Variants in RYR1 observed in about 807,000 individuals in gnomAD.
RYR1 encodes the protein central core disease of muscle.
Under a neutral mutation model 583.5 loss-of-function variants are expected in RYR1, and 342 were observed. That is an observed-to-expected ratio of 0.59 (90% CI 0.54 to 0.64). The LOEUF (loss-of-function observed/expected upper bound fraction) is 0.64, where lower values mean the gene tolerates loss of function less well. Among genes scored for constraint, RYR1 ranks in the 30% least tolerant of loss-of-function variants. RYR1 has a pLI of 0.00. For missense variants in RYR1, 6,032 were observed against 6,917.2 expected (o/e 0.87, Z 4.54); for synonymous variants, 2,791 against 2,822.5 (o/e 0.99, Z 0.35).
intron 31 of RYR1, 150 bp from the exon 32 acceptor site, chr19:38,482,877 G>A (rs760448117): frequency 9.6e-6 from 7 of 728,494 alleles, no homozygotes; most frequent in Non-Finnish European, 1.7e-5. Flanking sequence ...TGGATCAGAG[G>A]TGGGACAGTC....
At chr19:38,535,611 A>T in intron 81 of RYR1, 1 of 620,600 alleles carries the variant, frequency 1.6e-6, no homozygotes, top group East Asian at 2.8e-5. Context: ...TATGAATTCC[A>T]GACAGTGGAA....
chr19:38,579,609 AGAC>A (rs1352853862), intron 99 of RYR1, among the ~76,000 whole-genome samples: 1 of 150,212 alleles, frequency 6.7e-6, no homozygotes, highest in East Asian at 2.0e-4. Flanking sequence ...AAAAAAAAAA[AGAC>A]AGAGGAAGAG....
intron 88 of RYR1, among the ~76,000 whole-genome samples, chr19:38,547,887 A>G (rs1972501688): frequency 6.6e-6 from 1 of 151,904 alleles, no homozygotes; most frequent in African/African-American, 2.4e-5. Context: ...CTGATTTTGT[A>G]TTTTTAATAG....
chr19:38,571,462 G>A (rs181593956), intron 94 of RYR1, among the ~76,000 whole-genome samples: 5 of 152,178 alleles, frequency 3.3e-5, no homozygotes, highest in East Asian at 1.9e-4. Context: ...GTGAAACCCC[G>A]TCTCTACTAA....
Position 38,561,039 on chromosome 19 carries a change from T to G in RYR1, c.12283-74T>G. On this transcript the variant is annotated intron_variant, in intron 89 of 105. Transcript: ENST00000359596. This position sits in a 1 kb window ranked among gnomAD's most constrained non-coding sequence, Gnocchi z 4.8. ...CTGGGCGACACAGCGAGACCTTGTC[T>G]TAAAAAAAAAAAAAAAAAGAGAGAG... is the stretch of plus-strand genomic sequence containing the variant. 7.7e-7 allele frequency: 1 copy of G among 1,291,036 alleles called. No homozygotes were observed. Among genetic ancestry groups the G allele is most frequent in the Non-Finnish European group, 1.1e-6 (1 of 922,644 alleles). 80.0% of individuals were successfully genotyped at this position (1,291,036 alleles called of 1,614,324 possible). A position where few individuals can be genotyped will look rare whatever the true frequency, so the allele number is the denominator to read the frequency against.
chr19:38,464,844 G>T, intron 23 of RYR1, 122 bp downstream of exon 23: 1 of 840,458 alleles, frequency 1.2e-6, no homozygotes, highest in Non-Finnish European at 2.0e-6. Context: ...GGAGACTTGG[G>T]TTAGGGTGAA....
intron 27 of RYR1, among the ~76,000 whole-genome samples, chr19:38,470,360 C>G (rs980669438): frequency 1.3e-5 from 2 of 151,098 alleles, no homozygotes; most frequent in African/African-American, 4.9e-5. Context: ...ATCCTCTGAG[C>G]TCAGGAGGTC....
In RYR1 at chr19:38,494,251, C is replaced by A; in HGVS notation, c.6275-101C>A. On this transcript the variant is annotated intron_variant, in intron 38 of 105. Transcript: ENST00000359596. ...GCGCAGGTGGTAGTAACTGGGAAAA[C>A]TTCTGGAACAGGGGGCCCCTTCCAC... 3 of 1,440,872 alleles carry A rather than the reference C, an allele frequency of 2.1e-6. No homozygotes were observed. In the East Asian group the frequency reaches 6.8e-5, roughly 33 times the overall value. The allele number at this position is 1,440,872 out of a possible 1,614,324, so 89.3% of individuals were successfully genotyped here.
intron 24 of RYR1, among the ~76,000 whole-genome samples, chr19:38,466,739 G>A (rs1369178825): frequency 4.6e-5 from 7 of 151,990 alleles, no homozygotes; most frequent in African/African-American, 1.7e-4. Context: ...CTGACCTCGT[G>A]ATCCGCCTGC....
chr19:38,448,857 C>G (rs8101724), intron 11 of RYR1, 44 bp downstream of exon 11: 2 of 1,583,856 alleles, frequency 1.3e-6, no homozygotes, highest in Non-Finnish European at 1.7e-6. Flanking sequence ...GTGGGAGAAT[C>G]GCTTGAGTCC....
intron 100 of RYR1, 115 bp from the exon 101 acceptor site, chr19:38,580,255 T>G (rs1417199074): frequency 9.5e-6 from 15 of 1,578,998 alleles, no homozygotes; most frequent in Non-Finnish European, 1.3e-5. Flanking sequence ...GCCGGGGGTG[T>G]GTGGGGCAGC....
At position 38,444,377 on chromosome 19, in the gene RYR1, T is replaced by C; in HGVS notation, c.537+116T>C. ...CACCCCCAAGGTCCTGACTCCCAAT[T>C]TCCCATTTCCTGACCCCTGACATCC... On this transcript the variant is annotated intron_variant, in intron 6 of 105. Transcript: ENST00000359596. The surrounding 1 kb of genome is among the most constrained non-coding windows in gnomAD (Gnocchi z 5.1). 1 of 937,390 alleles carries C rather than the reference T, an allele frequency of 1.1e-6. No homozygotes were observed. The highest frequency in any genetic ancestry group is 2.0e-5 in the Admixed American group (1 of 50,246). 58.1% of individuals were successfully genotyped at this position (937,390 alleles called of 1,614,324 possible).
chr19:38,460,077 C>A (rs1261501373), intron 19 of RYR1, among the ~76,000 whole-genome samples: 4 of 152,166 alleles, frequency 2.6e-5, no homozygotes, highest in Admixed American at 2.6e-4. Context: ...GCTCTGTTGA[C>A]CTGGGGTCTC....
chr19:38,537,166 G>T (rs1972008159), intron 83 of RYR1: 1 of 289,838 alleles, frequency 3.5e-6, no homozygotes, highest in African/African-American at 2.1e-5. Context: ...AGATTGGTCA[G>T]TCAGCGTTTC....
intron 69 of RYR1, 128 bp from the exon 70 acceptor site, chr19:38,523,787 G>A: frequency 8.0e-7 from 1 of 1,255,378 alleles, no homozygotes; most frequent in African/African-American, 1.5e-5. Flanking sequence ...GCCTGGAAAT[G>A]CCCAGCTAGA....
chr19:38,499,237 G>A lies in RYR1; in HGVS notation c.7021G>A (p.Val2341Ile), dbSNP rs767615522. 29 of 1,614,062 alleles carry A rather than the reference G, an allele frequency of 1.8e-5. No homozygotes were observed. In the Admixed American group the frequency reaches 1.8e-4, roughly 10 times the overall value. ...GGACTTCCTGCGCTTTGCTGTCTTCGTCAACGGTGAGGAGGGGGTGGCAGT... is the reference window on the plus strand; with the variant it reads ...GGACTTCCTGCGCTTTGCTGTCTTCATCAACGGTGAGGAGGGGGTGGCAGT... ...YLDFLRFAVF[V>I]NGESVEENAN... Residue 2341 changes from valine (V) to isoleucine (I), a missense_variant, in exon 43 of 106, where the codon GTC becomes ATC. Coordinates refer to ENST00000359596, the MANE Select transcript of RYR1 (RefSeq NM_000540.3). The surrounding 1 kb of genome is among the most constrained non-coding windows in gnomAD (Gnocchi z 7.3).
At chr19:38,461,473 G>A (rs983756825) in intron 20 of RYR1, among the ~76,000 whole-genome samples, 1 of 151,924 alleles carries the variant, frequency 6.6e-6, no homozygotes, top group Non-Finnish European at 1.5e-5. Context: ...GCTCACACCT[G>A]CGATCCTAGA....
intron 29 of RYR1, among the ~76,000 whole-genome samples, chr19:38,477,261 GC>G (rs1968781416): frequency 6.6e-6 from 1 of 152,026 alleles, no homozygotes; most frequent in African/African-American, 2.4e-5. Flanking sequence ...TCCTGCCTCA[GC>G]CTCCCGAGTA....
chr19:38,461,370 A>G (rs1311168043), intron 20 of RYR1, among the ~76,000 whole-genome samples: 1 of 152,114 alleles, frequency 6.6e-6, no homozygotes, highest in Non-Finnish European at 1.5e-5. Context: ...TGTTTAACAG[A>G]TGGAGAAACT....
Sources: gnomAD v4.1 joint callset for allele counts (sites outside exome capture counted in the v4.1 genomes callset) on GRCh38, gnomAD v4.1.1 for gene constraint, Gnocchi (gnomAD v3.1) non-coding constraint, MANE v1.5 for transcripts, NCBI Gene and HGNC (gene_info 2026-07-23, HGNC 2026-07-21) for gene names.